Variants in MARCO observed in about 807,000 individuals in gnomAD.
MARCO encodes the protein macrophage receptor with collagenous structure, also known as macrophage receptor MARCO.
In MARCO, 72 loss-of-function variants were observed where a neutral mutation model predicts 70.0. The observed-to-expected ratio is 1.03, with a 90% CI of 0.85 to 1.25. MARCO has a LOEUF of 1.25. MARCO is among the 50% of genes most tolerant of loss of function. The probability of loss-of-function intolerance (pLI) is 0.00; values close to 1 mark genes in which losing one functional copy is unlikely to be tolerated. For synonymous variants in MARCO, 273 were observed against 243.1 expected (o/e 1.12, Z -1.14); for missense variants, 696 against 659.3 (o/e 1.06, Z -0.61).
intron 10 of MARCO, 114 bp from the exon 11 acceptor site, chr2:118,982,042 C>T (rs1456459206): frequency 8.8e-6 from 6 of 678,978 alleles, no homozygotes; most frequent in Non-Finnish European, 1.3e-5. Flanking sequence ...GCCAAGAGGA[C>T]TGTAAGGTGT....
At chr2:118,968,915 C>A (rs1217612041) in intron 1 of MARCO, among the ~76,000 whole-genome samples, 1 of 152,220 alleles carries the variant, frequency 6.6e-6, no homozygotes, top group East Asian at 1.9e-4. Context: ...CCTTTTCCAG[C>A]AAATGATATA....
intron 4 of MARCO, among the ~76,000 whole-genome samples, chr2:118,972,030 G>GGCTT (rs1386180500): frequency 2.0e-5 from 3 of 152,200 alleles, no homozygotes; most frequent in Non-Finnish European, 4.4e-5. Context: ...CTGGGCCTGG[G>GGCTT]GCTTACTGGC....
In MARCO at chr2:118,951,485, A is replaced by C. The variant is rs140557049; in HGVS notation, c.97+9088A>C. The stretch of plus-strand genomic sequence containing the variant: ...TTCTGGCCTGATGAGGTGTGCTCAC[A>C]ATGAGGTTTCCTCTAAAAGTTATTT... On this transcript the variant is annotated intron_variant, in intron 1 of 16. Coordinates refer to ENST00000327097, the MANE Select transcript of MARCO (RefSeq NM_006770.4). Among the ~76,000 whole-genome samples the C allele has an allele frequency of 1.4e-3, 208 of 152,366 alleles. 1 individual carries two copies. The highest frequency in any genetic ancestry group is 2.1e-3 in the Non-Finnish European group (146 of 68,036).
intron 7 of MARCO, 55 bp downstream of exon 7, chr2:118,977,570 G>T: frequency 6.5e-7 from 1 of 1,529,676 alleles, no homozygotes; most frequent in Non-Finnish European, 9.1e-7. Context: ...AGGCACTGAG[G>T]CAGTTCCCCC....
intron 4 of MARCO, among the ~76,000 whole-genome samples, chr2:118,973,288 C>CCT (rs1277176630): frequency 4.2e-5 from 6 of 143,500 alleles, no homozygotes; most frequent in South Asian, 2.3e-4. Flanking sequence ...TCCATGTCTC[C>CCT]CTCTCTCTCT....
intron 8 of MARCO, 117 bp from the exon 9 acceptor site, chr2:118,981,292 T>G (rs1676196423): frequency 1.4e-6 from 1 of 695,778 alleles, no homozygotes; most frequent in Admixed American, 3.0e-5. Flanking sequence ...GGGCACCAAG[T>G]AGGAGCTCAA....
chr2:118,951,488 G>A (rs779755275), intron 1 of MARCO, among the ~76,000 whole-genome samples: 3 of 152,252 alleles, frequency 2.0e-5, no homozygotes, highest in Non-Finnish European at 2.9e-5. Flanking sequence ...TGCTCACAAT[G>A]AGGTTTCCTC....
At chr2:118,943,581 C>T (rs891346155) in intron 1 of MARCO, among the ~76,000 whole-genome samples, 2 of 152,168 alleles carry the variant, frequency 1.3e-5, no homozygotes, top group Non-Finnish European at 2.9e-5. Context: ...GAGACTTCCA[C>T]AGGACATGAT....
At chr2:118,979,960 C>T (rs1360082482) in intron 8 of MARCO, among the ~76,000 whole-genome samples, 1 of 152,230 alleles carries the variant, frequency 6.6e-6, no homozygotes, top group Non-Finnish European at 1.5e-5. Flanking sequence ...GTTCTGAAGT[C>T]AGGCAGCTGT....
intron 6 of MARCO, 74 bp from the exon 7 acceptor site, chr2:118,977,397 G>A: frequency 1.6e-6 from 2 of 1,213,476 alleles, no homozygotes; most frequent in South Asian, 1.2e-5. Flanking sequence ...AGGGAATCTA[G>A]AATGTCAGCT....
rs370697626 is a variant in MARCO at position 118,981,586 on chromosome 2, A to C, written c.866-35A>C. 39 of 1,578,822 alleles carry C rather than the reference A, an allele frequency of 2.5e-5. No homozygotes were observed. In the African/African-American group the frequency reaches 4.6e-4, roughly 19 times the overall value. On this transcript the variant is annotated intron_variant, in intron 9 of 16. Transcript: ENST00000327097. ...TTTTTCTGGCTGGCTGAGCCAAAGGAAAAAAAAATTCCTAAAAGTTCTTTT... is the reference window on the plus strand; with the variant it reads ...TTTTTCTGGCTGGCTGAGCCAAAGGCAAAAAAAATTCCTAAAAGTTCTTTT...
intron 4 of MARCO, among the ~76,000 whole-genome samples, chr2:118,972,247 TAC>T (rs755970178): frequency 4.6e-4 from 70 of 152,246 alleles, no homozygotes; most frequent in Non-Finnish European, 1.8e-4. Context: ...TGTGTTGTGT[TAC>T]ACACACGCTT....
chr2:118,965,788 C>T (rs151118020), intron 1 of MARCO, among the ~76,000 whole-genome samples: 3 of 152,294 alleles, frequency 2.0e-5, no homozygotes, highest in Admixed American at 1.3e-4. Flanking sequence ...GCCCTGTCCA[C>T]GTTATTTTGA....
chr2:118,950,518 T>C (rs1158607605), intron 1 of MARCO, among the ~76,000 whole-genome samples: 1 of 152,246 alleles, frequency 6.6e-6, no homozygotes, highest in African/African-American at 2.4e-5. Context: ...TATAATCCTT[T>C]TACCAAAAGT....
intron 4 of MARCO, among the ~76,000 whole-genome samples, chr2:118,973,036 T>C (rs1680203256): frequency 6.6e-6 from 1 of 152,164 alleles, no homozygotes; most frequent in African/African-American, 2.4e-5. Context: ...TCTCTGAATA[T>C]AGATGTATGT....
intron 1 of MARCO, among the ~76,000 whole-genome samples, chr2:118,963,469 GT>G (rs1367433446): frequency 2.0e-5 from 3 of 151,200 alleles, no homozygotes; most frequent in South Asian, 4.2e-4. Flanking sequence ...TATGACCTTG[GT>G]TTTTTTTCAT....
intron 1 of MARCO, among the ~76,000 whole-genome samples, chr2:118,965,619 T>C (rs1680029967): frequency 2.6e-5 from 4 of 152,182 alleles, no homozygotes; most frequent in Non-Finnish European, 5.9e-5. Flanking sequence ...TGATTTTCCA[T>C]TATATAATGG....
chr2:118,978,387 C>T (rs1031306008), intron 8 of MARCO, among the ~76,000 whole-genome samples: 1 of 152,208 alleles, frequency 6.6e-6, no homozygotes, highest in African/African-American at 2.4e-5. Flanking sequence ...TGGGTGCTTG[C>T]TTAAAATGCA....
intron 12 of MARCO, among the ~76,000 whole-genome samples, chr2:118,986,326 A>G (rs867600284): frequency 6.7e-6 from 1 of 150,282 alleles, no homozygotes; most frequent in Non-Finnish European, 1.5e-5. Flanking sequence ...CAGACGGGGC[A>G]AGACAGCAAT....
Sources: allele counts gnomAD v4.1 joint callset (sites outside exome capture counted in the v4.1 genomes callset), GRCh38; gene constraint gnomAD v4.1.1; transcripts MANE v1.5; gene names NCBI Gene and HGNC (gene_info 2026-07-23, HGNC 2026-07-21).